EPHA6: variants seen among roughly 807,000 people sequenced by gnomAD.
The protein encoded by EPHA6 is EPH receptor A6.
In EPHA6, 50 loss-of-function variants were observed where a neutral mutation model predicts 112.0. That is an observed-to-expected ratio of 0.45 (90% CI 0.36 to 0.56). The LOEUF is 0.56. Among genes scored for constraint, EPHA6 ranks in the 20% least tolerant of loss-of-function variants. The probability of loss-of-function intolerance (pLI) is 0.00; values close to 1 mark genes in which losing one functional copy is unlikely to be tolerated. For synonymous variants in EPHA6, 529 were observed against 490.7 expected (o/e 1.08, Z -1.03); for missense variants, 1,280 against 1,417.4 (o/e 0.90, Z 1.56).
chr3:96,922,197 C>T (rs559154010), intron 2 of EPHA6, among the ~76,000 whole-genome samples: 1 of 152,232 alleles, frequency 6.6e-6, no homozygotes, highest in African/African-American at 2.4e-5. Flanking sequence ...TCTGGTTAGC[C>T]AGATGGTTCC....
chr3:96,983,183 G>T (rs1299298079), intron 2 of EPHA6, among the ~76,000 whole-genome samples: 1 of 152,132 alleles, frequency 6.6e-6, no homozygotes, highest in African/African-American at 2.4e-5. Context: ...TTTTGCAGTG[G>T]CTGGTACCGG....
At chr3:97,495,484 G>T (rs1450611103) in intron 10 of EPHA6, among the ~76,000 whole-genome samples, 1 of 151,706 alleles carries the variant, frequency 6.6e-6, no homozygotes, top group Admixed American at 6.6e-5. Context: ...GGAATATATG[G>T]TATATGTACT....
At chr3:96,840,370 C>G (rs2034666638) in intron 1 of EPHA6, among the ~76,000 whole-genome samples, 1 of 152,112 alleles carries the variant, frequency 6.6e-6, no homozygotes. Context: ...TTTCTCTTGA[C>G]TCTTGATTTC....
chr3:97,001,016 T>TTATATATATATATA (rs1334953124), intron 3 of EPHA6, among the ~76,000 whole-genome samples: 1 of 83,286 alleles, frequency 1.2e-5, no homozygotes, highest in East Asian at 2.2e-4. Context: ...AGTCAGAAAT[T>TTATATATATATATA]GATATATATA....
At chr3:97,092,627 G>T (rs888363275) in intron 3 of EPHA6, among the ~76,000 whole-genome samples, 2 of 151,704 alleles carry the variant, frequency 1.3e-5, no homozygotes, top group African/African-American at 2.4e-5. Context: ...TTTTCTTAGG[G>T]TATAAAAAAA....
At chr3:97,207,395 T>C (rs1211158877) in intron 3 of EPHA6, among the ~76,000 whole-genome samples, 2 of 152,150 alleles carry the variant, frequency 1.3e-5, no homozygotes, top group African/African-American at 4.8e-5. Context: ...GTTAAGATGG[T>C]CAAGGAATCA....
intron 7 of EPHA6, among the ~76,000 whole-genome samples, chr3:97,467,330 A>C: frequency 6.6e-6 from 1 of 151,826 alleles, no homozygotes; most frequent in Non-Finnish European, 1.5e-5. Context: ...AATAGACTCC[A>C]AATAAATCTA....
chr3:97,624,883 A>T (rs560400347), intron 13 of EPHA6, among the ~76,000 whole-genome samples: 2 of 151,640 alleles, frequency 1.3e-5, no homozygotes, highest in Admixed American at 1.3e-4. Flanking sequence ...TTTCTGTAGA[A>T]TTGGTAGTAA....
At chr3:96,958,660 CGG>C (rs1309732469) in intron 2 of EPHA6, among the ~76,000 whole-genome samples, 1 of 152,090 alleles carries the variant, frequency 6.6e-6, no homozygotes, top group Non-Finnish European at 1.5e-5. Flanking sequence ...ACTAGACAAA[CGG>C]TAATCTACTT....
chr3:96,973,157 A>G (rs2042383143), intron 2 of EPHA6, among the ~76,000 whole-genome samples: 1 of 152,182 alleles, frequency 6.6e-6, no homozygotes, highest in Non-Finnish European at 1.5e-5. Context: ...AAAAATTCAT[A>G]TGTGGATGTA....
intron 4 of EPHA6, among the ~76,000 whole-genome samples, chr3:97,229,375 A>G (rs950683427): frequency 6.6e-6 from 1 of 152,150 alleles, no homozygotes; most frequent in Non-Finnish European, 1.5e-5. Flanking sequence ...TCTTTGATCT[A>G]TATTGATTTG....
chr3:96,944,674 C>T (rs889604933), intron 2 of EPHA6, among the ~76,000 whole-genome samples: 1 of 152,104 alleles, frequency 6.6e-6, no homozygotes, highest in Non-Finnish European at 1.5e-5. Flanking sequence ...TAAAATAACT[C>T]GATATTACCT....
At chr3:97,019,194 C>T (rs12632913) in intron 3 of EPHA6, among the ~76,000 whole-genome samples, 9,545 of 152,208 alleles carry the variant, frequency 0.063, 693 homozygotes, top group East Asian at 0.39. Flanking sequence ...TGGAACAGCT[C>T]GTGTCCTCGG....
At chr3:97,256,418 A>G (rs1220289978) in intron 5 of EPHA6, among the ~76,000 whole-genome samples, 1 of 151,972 alleles carries the variant, frequency 6.6e-6, no homozygotes, top group Non-Finnish European at 1.5e-5. Context: ...CCTGATTTTC[A>G]GGAAAAGTAT....
At chr3:97,526,071 G>A (rs551191140) in intron 10 of EPHA6, among the ~76,000 whole-genome samples, 3 of 152,250 alleles carry the variant, frequency 2.0e-5, no homozygotes, top group South Asian at 2.1e-4. Context: ...TAGCCCCCAC[G>A]AATAGGTATG....
intron 2 of EPHA6, among the ~76,000 whole-genome samples, chr3:96,980,162 T>A (rs2107813235): frequency 6.6e-6 from 1 of 152,336 alleles, no homozygotes; most frequent in Non-Finnish European, 1.5e-5. Flanking sequence ...CTAGGTTTTC[T>A]TCTAGGGTTT....
chr3:97,438,345 A>G (rs2107265056), intron 6 of EPHA6, among the ~76,000 whole-genome samples: 1 of 152,270 alleles, frequency 6.6e-6, no homozygotes, highest in African/African-American at 2.4e-5. Context: ...AAAATCTTGG[A>G]CATTCTCCAC....
chr3:97,378,883 A>C (rs570268903), intron 5 of EPHA6, among the ~76,000 whole-genome samples: 2 of 152,252 alleles, frequency 1.3e-5, no homozygotes, highest in African/African-American at 4.8e-5. Flanking sequence ...GCCTTGTCTC[A>C]GATAAGATTT....
intron 3 of EPHA6, among the ~76,000 whole-genome samples, chr3:97,036,000 A>C (rs568268640): frequency 3.9e-5 from 6 of 152,060 alleles, no homozygotes; most frequent in Admixed American, 3.9e-4. Context: ...AGGCTCCAGA[A>C]TGCTTCCTTG....
Sources: gnomAD v4.1 joint callset for allele counts (sites outside exome capture counted in the v4.1 genomes callset) on GRCh38, gnomAD v4.1.1 for gene constraint, MANE v1.5 for transcripts, NCBI Gene and HGNC (gene_info 2026-07-23, HGNC 2026-07-21) for gene names.